The following TEAD1 variants were observed in gnomAD, a reference collection of about 807,000 sequenced individuals.
TEAD1 encodes transcriptional enhancer factor TEF-1.
A neutral mutation model predicts 54.9 loss-of-function variants in TEAD1; 9 were observed. That is an observed-to-expected ratio of 0.16 (90% CI 0.10 to 0.29). TEAD1 has a LOEUF of 0.29. Ranked by LOEUF, TEAD1 falls within the 10% of genes least tolerant of loss-of-function variation. The probability of loss-of-function intolerance (pLI) is 1.00; values close to 1 mark genes in which losing one functional copy is unlikely to be tolerated. For synonymous variants in TEAD1, 200 were observed against 187.8 expected (o/e 1.07, Z -0.53); for missense variants, 387 against 535.9 (o/e 0.72, Z 2.74).
At chr11:12,681,788 A>G (rs999510059) in intron 2 of TEAD1, among the ~76,000 whole-genome samples, 1 of 152,124 alleles carries the variant, frequency 6.6e-6, no homozygotes, top group Non-Finnish European at 1.5e-5. Context: ...GCGTGTTCTC[A>G]CTCACCTTTC....
intron 9 of TEAD1, among the ~76,000 whole-genome samples, 183 bp downstream of exon 9, chr11:12,883,308 T>C (rs1383251541): frequency 6.6e-6 from 1 of 152,198 alleles, no homozygotes; most frequent in Admixed American, 6.5e-5. Flanking sequence ...TTGGCAGATT[T>C]GTAGAAAACA....
intron 2 of TEAD1, among the ~76,000 whole-genome samples, chr11:12,735,189 A>G (rs1944504583): frequency 6.6e-6 from 1 of 152,156 alleles, no homozygotes; most frequent in African/African-American, 2.4e-5. Context: ...TCCGGGTTAG[A>G]AATACTGAGG....
chr11:12,681,238 G>C (rs888355869), intron 2 of TEAD1, among the ~76,000 whole-genome samples: 1 of 152,148 alleles, frequency 6.6e-6, no homozygotes, highest in Admixed American at 6.5e-5. Flanking sequence ...TGTCTGAGCC[G>C]AGAAATTCTC....
intron 1 of TEAD1, among the ~76,000 whole-genome samples, chr11:12,675,152 C>G (rs1479056790): frequency 6.7e-6 from 1 of 149,990 alleles, no homozygotes. Flanking sequence ...CGCCTGCACG[C>G]GCACACACGC....
At chr11:12,866,118 T>C (rs950451448) in intron 5 of TEAD1, among the ~76,000 whole-genome samples, 1 of 152,214 alleles carries the variant, frequency 6.6e-6, no homozygotes, top group Non-Finnish European at 1.5e-5. Flanking sequence ...GTGGCTGGCT[T>C]TTAGCTGCAC....
intron 3 of TEAD1, among the ~76,000 whole-genome samples, chr11:12,792,214 G>A (rs577759687): frequency 2.6e-5 from 4 of 152,218 alleles, no homozygotes; most frequent in Non-Finnish European, 5.9e-5. Flanking sequence ...CCCTCAAGCT[G>A]TGTTTGGTAG....
intron 3 of TEAD1, among the ~76,000 whole-genome samples, chr11:12,832,939 T>G (rs1476886501): frequency 1.3e-5 from 2 of 152,262 alleles, no homozygotes; most frequent in Non-Finnish European, 2.9e-5. Flanking sequence ...GGACCACTAA[T>G]AACTACCACA....
chr11:12,882,091 T>C, intron 8 of TEAD1, 134 bp downstream of exon 8: 6 of 931,336 alleles, frequency 6.4e-6, no homozygotes, highest in Non-Finnish European at 1.0e-5. Flanking sequence ...TGCAGGATCC[T>C]TGGGTAGCCT....
intron 2 of TEAD1, among the ~76,000 whole-genome samples, chr11:12,733,787 C>T (rs1031343834): frequency 3.3e-5 from 5 of 152,208 alleles, no homozygotes; most frequent in Non-Finnish European, 7.3e-5. Flanking sequence ...CAATGATAAT[C>T]ATATGTACAA....
intron 2 of TEAD1, among the ~76,000 whole-genome samples, chr11:12,716,343 T>G (rs1590078632): frequency 6.7e-6 from 1 of 150,192 alleles, no homozygotes; most frequent in East Asian, 1.9e-4. Flanking sequence ...CACGGGGGGG[T>G]TCCTGCAGCC....
intron 2 of TEAD1, among the ~76,000 whole-genome samples, chr11:12,702,760 A>G (rs1011757406): frequency 4.6e-5 from 7 of 152,082 alleles, no homozygotes; most frequent in African/African-American, 1.7e-4. Flanking sequence ...TAATCTTCCA[A>G]TGCCATTGTG....
chr11:12,864,617 TTTTTGTTTTG>T lies in TEAD1; in HGVS notation c.268-187_268-178del, dbSNP rs78050843. 1.8e-3 allele frequency: 1,727 copies of T among 954,868 alleles called. 4 individuals carry two copies. Among genetic ancestry groups the T allele is most frequent in the Middle Eastern group, 4.4e-3 (12 of 2,708 alleles). 59.1% of individuals were successfully genotyped at this position (954,868 alleles called of 1,614,324 possible). On this transcript the variant is annotated intron_variant, in intron 4 of 12. Coordinates refer to ENST00000527636, the MANE Select transcript of TEAD1 (RefSeq NM_021961.6). Reference sequence around the variant, plus strand: ...GTAGCGATTTTATATTTGATTTCCTTTTTTGTTTTGTTTTGTTTTGTTTTGTTTTGTTTTG... The same window carrying T: ...GTAGCGATTTTATATTTGATTTCCTTTTTTGTTTTGTTTTGTTTTGTTTTG...
At chr11:12,818,656 G>C (rs1946467437) in intron 3 of TEAD1, among the ~76,000 whole-genome samples, 1 of 152,192 alleles carries the variant, frequency 6.6e-6, no homozygotes, top group Non-Finnish European at 1.5e-5. Flanking sequence ...TGCCTTTGCT[G>C]TCAGAGGAGG....
At chr11:12,810,768 C>T (rs1946283175) in intron 3 of TEAD1, among the ~76,000 whole-genome samples, 1 of 152,178 alleles carries the variant, frequency 6.6e-6, no homozygotes, top group African/African-American at 2.4e-5. Context: ...AGGTCTTGGT[C>T]TTTAACGCTA....
intron 8 of TEAD1, 34 bp downstream of exon 8, chr11:12,881,991 A>G: frequency 6.2e-7 from 1 of 1,603,524 alleles, no homozygotes; most frequent in Non-Finnish European, 8.5e-7. Context: ...TTGGGAGCAC[A>G]GCCCCACACA....
intron 3 of TEAD1, among the ~76,000 whole-genome samples, chr11:12,795,572 T>C (rs1397835690): frequency 6.6e-6 from 1 of 152,192 alleles, no homozygotes; most frequent in Non-Finnish European, 1.5e-5. Flanking sequence ...TACTAAACTT[T>C]GGTGTGTCAG....
chr11:12,719,585 G>T (rs75982117), intron 2 of TEAD1, among the ~76,000 whole-genome samples: 1 of 137,192 alleles, frequency 7.3e-6, no homozygotes, highest in South Asian at 2.7e-4. Flanking sequence ...GGGGGGAGGG[G>T]GGGCGGGGGG....
At chr11:12,846,989 A>G (rs954375733) in intron 3 of TEAD1, among the ~76,000 whole-genome samples, 1 of 152,170 alleles carries the variant, frequency 6.6e-6, no homozygotes, top group Non-Finnish European at 1.5e-5. Context: ...TCTGCATTCC[A>G]TAAGCATCCA....
intron 3 of TEAD1, among the ~76,000 whole-genome samples, chr11:12,814,803 G>C (rs1051952550): frequency 1.2e-5 from 1 of 81,880 alleles, no homozygotes; most frequent in African/African-American, 3.6e-5. Flanking sequence ...GTGTGTGTGT[G>C]TGTGTGTGTG....
Sources: allele counts gnomAD v4.1 joint callset (sites outside exome capture counted in the v4.1 genomes callset), GRCh38; gene constraint gnomAD v4.1.1; transcripts MANE v1.5; gene names NCBI Gene and HGNC (gene_info 2026-07-23, HGNC 2026-07-21).